The following STAB2 variants were observed in gnomAD, a reference collection of about 807,000 sequenced individuals.
The protein encoded by STAB2 is stabilin 2.
A neutral mutation model predicts 338.1 loss-of-function variants in STAB2; 288 were observed. The ratio of observed to expected loss-of-function variants is 0.85; its 90% CI spans 0.77 to 0.94. The LOEUF (loss-of-function observed/expected upper bound fraction) is 0.94, where lower values mean the gene tolerates loss of function less well. Among genes scored for constraint, STAB2 ranks in the 40% least tolerant of loss-of-function variants. The probability of loss-of-function intolerance (pLI) is 0.00; values close to 1 mark genes in which losing one functional copy is unlikely to be tolerated. For missense variants in STAB2, 3,141 were observed against 3,210.1 expected, an observed-to-expected ratio of 0.98 and a Z score of 0.52; for synonymous variants, 1,202 against 1,193.3, an observed-to-expected ratio of 1.01 and a Z score of -0.15.
At position 103,654,668 on chromosome 12, in the gene STAB2, G is replaced by C; in HGVS notation, c.1521G>C (p.Lys507Asn). 6.2e-7 allele frequency: 1 copy of C among 1,614,124 alleles called. No homozygotes were observed. The highest frequency in any genetic ancestry group is 8.5e-7 in the Non-Finnish European group (1 of 1,180,002). The change falls in exon 13 of 69, where the codon AAG becomes AAC. Residue 507 changes from lysine to asparagine, a missense_variant. Transcript: ENST00000388887. ...ACATCCTTGACAGAGCCATGGACAA[G>C]TTAGAACCCACATTTGAGAGCAACA... ...LLHILDRAMDKLEPTFESNNE... is the reference protein window; with the variant it reads ...LLHILDRAMDNLEPTFESNNE...
At chr12:103,639,769 T>A (rs1334164521) in intron 8 of STAB2, among the ~76,000 whole-genome samples, 18 of 148,712 alleles carry the variant, frequency 1.2e-4, no homozygotes. Flanking sequence ...AGATTGAGAC[T>A]CCTGGTTGGA....
chr12:103,607,490 A>T (rs1324745453), intron 3 of STAB2, among the ~76,000 whole-genome samples: 1 of 145,130 alleles, frequency 6.9e-6, no homozygotes, highest in Non-Finnish European at 1.5e-5. Context: ...GCACCCATTA[A>T]CTCGTCATTT....
chr12:103,692,702 C>G, intron 30 of STAB2, 110 bp from the exon 31 acceptor site: 2 of 835,406 alleles, frequency 2.4e-6, no homozygotes, highest in Non-Finnish European at 3.8e-6. Flanking sequence ...GGTCTTGGCC[C>G]AAAAGTATGA....
rs76259595 is a variant in STAB2 at position 103,622,213 on chromosome 12, A to G, written c.487+102A>G. On this transcript the variant is annotated intron_variant, in intron 5 of 68. Transcript: ENST00000388887. ...AACACTGAATAGTTATGTGTGATAA[A>G]AAAGAAATTTCAGCAGAATTAAATT... The G allele has an allele frequency of 2.8e-3, 3,560 of 1,254,584 alleles. 94 individuals are homozygous for G. In the African/African-American group the frequency reaches 0.047, roughly 17 times the overall value. The allele number at this position is 1,254,584 out of a possible 1,614,324, so 77.7% of individuals were successfully genotyped here. A position where few individuals can be genotyped will look rare whatever the true frequency, so the allele number is the denominator to read the frequency against.
chr12:103,739,504 A>G, intron 54 of STAB2, 36 bp downstream of exon 54: 1 of 1,534,886 alleles, frequency 6.5e-7, no homozygotes, highest in Non-Finnish European at 8.8e-7. Context: ...TTGGAGAGCC[A>G]TAGGTCTGTT....
chr12:103,720,507 T>A (rs1011363955), intron 44 of STAB2, among the ~76,000 whole-genome samples: 1 of 152,216 alleles, frequency 6.6e-6, no homozygotes, highest in African/African-American at 2.4e-5. Context: ...TTAAAAGATA[T>A]GAAAATTTAT....
chr12:103,684,927 G>T, intron 26 of STAB2, 62 bp from the exon 27 acceptor site: 1 of 1,532,130 alleles, frequency 6.5e-7, no homozygotes, highest in Non-Finnish European at 9.0e-7. Context: ...TCGTCTCATA[G>T]ATGTAACTCA....
intron 48 of STAB2, 102 bp downstream of exon 48, chr12:103,729,097 A>T: frequency 8.7e-7 from 1 of 1,153,238 alleles, no homozygotes; most frequent in Admixed American, 2.0e-5. Context: ...CTAATGCAGG[A>T]ACAGAAAACC....
chr12:103,742,572 T>C lies in STAB2; in HGVS notation c.6031+18T>C. The C allele has an allele frequency of 1.9e-6, 3 of 1,614,036 alleles. No homozygotes were observed. The highest frequency in any genetic ancestry group is 1.1e-5 in the South Asian group (1 of 91,066). On this transcript the variant is annotated intron_variant, in intron 56 of 68. Coordinates refer to ENST00000388887, the MANE Select transcript of STAB2 (RefSeq NM_017564.10). ...TTGTCTGCGTATGTGGCGCCGCTTCTCCGTGCTAGAGCTTGTTTTTTGACT... is the reference window on the plus strand; with the variant it reads ...TTGTCTGCGTATGTGGCGCCGCTTCCCCGTGCTAGAGCTTGTTTTTTGACT...
Position 103,705,616 on chromosome 12 carries a change from C to T in STAB2, c.3901-16C>T. ...TTCCTAACTTAGGAGCTGACGTAGT[C>T]ATTAATATTTCACAGGGTAATGAGA... On this transcript the variant is annotated splice_polypyrimidine_tract_variant and intron_variant, in intron 36 of 68. Transcript: ENST00000388887. 6.2e-7 allele frequency: 1 copy of T among 1,612,332 alleles called. No homozygotes were observed. The highest frequency in any genetic ancestry group is 8.5e-7 in the Non-Finnish European group (1 of 1,178,388).
At chr12:103,682,124 C>G (rs530465546) in intron 25 of STAB2, among the ~76,000 whole-genome samples, 2 of 151,186 alleles carry the variant, frequency 1.3e-5, no homozygotes, top group African/African-American at 4.9e-5. Context: ...GTCCTCCTTT[C>G]TGTAGACAAA....
intron 3 of STAB2, among the ~76,000 whole-genome samples, chr12:103,600,510 A>T (rs1006583202): frequency 6.6e-6 from 1 of 151,988 alleles, no homozygotes. Context: ...CATCACAGAG[A>T]CTCCACCCTG....
At chr12:103,765,598 G>A (rs771005057) in intron 68 of STAB2, among the ~76,000 whole-genome samples, 20 of 152,204 alleles carry the variant, frequency 1.3e-4, no homozygotes, top group Non-Finnish European at 2.4e-4. Flanking sequence ...GGGTCCTGGT[G>A]TGTCACGCAG....
intron 9 of STAB2, among the ~76,000 whole-genome samples, chr12:103,645,883 G>A (rs867498943): frequency 1.3e-5 from 2 of 152,026 alleles, no homozygotes; most frequent in African/African-American, 2.4e-5. Flanking sequence ...GCTTCTGGGC[G>A]GGGCTGGGGA....
At position 103,737,671 on chromosome 12, in the gene STAB2, T is replaced by C. The variant is rs1304482537; in HGVS notation, c.5588T>C (p.Val1863Ala). ...LFLNGQTCRI[V>A]QRELLFDLGV... Reference sequence around the variant, plus strand: ...CTGAATGGCCAAACCTGCAGAATTGTGCAGCGGGAGCTCTTGTTTGACCTG... The same window carrying C: ...CTGAATGGCCAAACCTGCAGAATTGCGCAGCGGGAGCTCTTGTTTGACCTG... Residue 1863 changes from valine (V) to alanine (A), a missense_variant, in exon 53 of 69, where the codon GTG (valine) becomes GCG (alanine). Physicochemically the swap from Val to Ala is moderately conservative, Grantham distance 64 (BLOSUM62 0). Transcript: ENST00000388887. The C allele has an allele frequency of 1.2e-6, 2 of 1,611,572 alleles. No individual in the cohort carries two copies. The highest frequency in any genetic ancestry group is 2.2e-5 in the South Asian group (2 of 90,992).
intron 12 of STAB2, 114 bp from the exon 13 acceptor site, chr12:103,654,441 C>G: frequency 8.6e-7 from 1 of 1,168,030 alleles, no homozygotes; most frequent in Non-Finnish European, 1.2e-6. Flanking sequence ...TATCCAAAAT[C>G]ACATTGCCAA....
rs1278916104 is a variant in STAB2 at position 103,695,738 on chromosome 12, A to G, written c.3476A>G (p.Gln1159Arg). ...DYSIFRGYII[Q>R]YNLANAIEAA... ...CACTCTTGTCTCTTTCCATCGCAGC[A>G]ATATAATCTGGCGAATGCAATTGAG... is the stretch of plus-strand genomic sequence containing the variant. Residue 1159 changes from glutamine (Q) to arginine (R), a missense_variant and splice_region_variant, in exon 33 of 69, where the codon CAA becomes CGA. Coordinates refer to ENST00000388887, the MANE Select transcript of STAB2 (RefSeq NM_017564.10). 2 of 1,614,228 alleles carry G rather than the reference A, an allele frequency of 1.2e-6. No homozygotes were observed. Among genetic ancestry groups the G allele is most frequent in the Non-Finnish European group, 8.5e-7 (1 of 1,180,036 alleles).
intron 3 of STAB2, among the ~76,000 whole-genome samples, chr12:103,617,722 C>A (rs986146364): frequency 6.6e-6 from 1 of 152,180 alleles, no homozygotes; most frequent in South Asian, 2.1e-4. Flanking sequence ...ATCAGTATTT[C>A]TCCCCCTTCC....
chr12:103,725,224 A>G, intron 45 of STAB2, 130 bp downstream of exon 45: 10 of 1,408,484 alleles, frequency 7.1e-6, no homozygotes, highest in South Asian at 3.0e-5. Flanking sequence ...GCAATTTTAC[A>G]TAAATCAGCA....
Sources: gnomAD v4.1 joint callset for allele counts (sites outside exome capture counted in the v4.1 genomes callset) on GRCh38, gnomAD v4.1.1 for gene constraint, MANE v1.5 for transcripts, NCBI Gene and HGNC (gene_info 2026-07-23, HGNC 2026-07-21) for gene names.